Variants in KAT2A observed in about 807,000 individuals in gnomAD.
KAT2A encodes lysine acetyltransferase 2A, also known as histone acetyltransferase KAT2A.
In KAT2A, 42 loss-of-function variants were observed where a neutral mutation model predicts 95.2. The ratio of observed to expected loss-of-function variants is 0.44; its 90% CI spans 0.34 to 0.57. KAT2A has a LOEUF of 0.57. Among genes scored for constraint, KAT2A ranks in the 20% least tolerant of loss-of-function variants. The pLI, the probability that KAT2A is intolerant of heterozygous loss-of-function variation, is 0.01. For synonymous variants in KAT2A, 449 were observed against 448.2 expected (o/e 1.00, Z -0.02); for missense variants, 784 against 1,126.3 (o/e 0.70, Z 4.35).
In KAT2A at chr17:42,114,297, A is replaced by G. The variant is rs111448692; in HGVS notation, c.2172-15T>C. 4.3e-4 allele frequency: 696 copies of G among 1,613,246 alleles called. 7 individuals are homozygous for G. In the African/African-American group the frequency reaches 7.9e-3, roughly 18 times the overall value. Reference sequence around the variant, plus strand: ...TCAGCTCCTTCCTGGGGCGAGAGACACCAAGTCTGAGGCTCCAAGTCCCTC... The same window carrying G: ...TCAGCTCCTTCCTGGGGCGAGAGACGCCAAGTCTGAGGCTCCAAGTCCCTC... On this transcript the variant is annotated splice_polypyrimidine_tract_variant and intron_variant, in intron 15 of 17. Transcript: ENST00000225916. This position sits in a 1 kb window ranked among gnomAD's most constrained non-coding sequence, Gnocchi z 6.0.
At position 42,121,150 on chromosome 17, in the gene KAT2A, G is replaced by T; in HGVS notation, c.155C>A (p.Ala52Glu). ...AGTCCCTGTGCTGCCGGCTGGGGCT[G>T]CAGCTGGGGCAGGGGCTGGTGCCGG... ...PTPAPAPAPA[A>E]APAGSTGTGG... Residue 52 changes from alanine to glutamate, a missense_variant, in exon 1 of 18, where the codon GCA (alanine) becomes GAA (glutamate). Around this residue, in one of 6 missense-constraint regions of KAT2A, gnomAD observed 142 missense variants for 123.2 expected, o/e 1.15. Coordinates refer to ENST00000225916, the MANE Select transcript of KAT2A (RefSeq NM_021078.3). The T allele has an allele frequency of 6.8e-7, 1 of 1,468,972 alleles. No individual in the cohort carries two copies. Among genetic ancestry groups the T allele is most frequent in the Non-Finnish European group, 9.1e-7 (1 of 1,103,400 alleles). The allele number at this position is 1,468,972 out of a possible 1,614,324, so 91.0% of individuals were successfully genotyped here. A position where few individuals can be genotyped will look rare whatever the true frequency, so the allele number is the denominator to read the frequency against.
rs560775382 is a variant in KAT2A, at chr17:42,117,862, G to A, written c.1291+45C>T. On this transcript the variant is annotated intron_variant, in intron 8 of 17. Coordinates refer to ENST00000225916, the MANE Select transcript of KAT2A (RefSeq NM_021078.3). This position sits in a 1 kb window ranked among gnomAD's most constrained non-coding sequence, Gnocchi z 8.9. ...TGCTCAGGATCAGTAAAAAAGGTTT[G>A]GGAAGGAGTGAATGAGGGTCAGAGG... 1.9e-6 allele frequency: 3 copies of A among 1,607,558 alleles called. No individual in the cohort carries two copies. Among genetic ancestry groups the A allele is most frequent in the African/African-American group, 1.3e-5 (1 of 74,914 alleles).
Position 42,119,582 on chromosome 17 carries a change from C to A in KAT2A, c.836G>T (p.Arg279Met). ...KLETPAQFRQRSQAEDVATYK... is the reference protein window; with the variant it reads ...KLETPAQFRQMSQAEDVATYK... Reference sequence around the variant, plus strand: ...GGTAGCCACGTCCTCAGCCTGAGACCTCTGCCGAAACTGGGCAGGTGTCTC... The same window carrying A: ...GGTAGCCACGTCCTCAGCCTGAGACATCTGCCGAAACTGGGCAGGTGTCTC... Residue 279 changes from arginine (R) to methionine (M), a missense_variant, in exon 5 of 18, where the codon AGG becomes ATG. By Grantham distance (91) the Arg-to-Met change is moderately conservative. Coordinates refer to ENST00000225916, the MANE Select transcript of KAT2A (RefSeq NM_021078.3). This position sits in a 1 kb window ranked among gnomAD's most constrained non-coding sequence, Gnocchi z 5.3. 1 of 1,611,922 alleles carries A rather than the reference C, an allele frequency of 6.2e-7. No individual in the cohort carries two copies. Among genetic ancestry groups the A allele is most frequent in the Non-Finnish European group, 8.5e-7 (1 of 1,178,726 alleles).
At position 42,120,998 on chromosome 17, in the gene KAT2A, G is replaced by A. The variant is rs893360054; in HGVS notation, c.307C>T (p.Leu103Phe). Reference protein sequence around the residue: ...QVRGLPRAKKLEKLGVFSACK... With the variant: ...QVRGLPRAKKFEKLGVFSACK... ...GCCGAGAAGACCCCTAGCTTCTCAA[G>A]CTTCTTGGCGCGCGGCAGCCCCCGG... is the stretch of plus-strand genomic sequence containing the variant. The change falls in exon 1 of 18, where the codon CTT becomes TTT. Residue 103 changes from leucine to phenylalanine, a missense_variant. This residue lies in a region of KAT2A where 208 missense variants were observed against 339.7 expected (regional missense o/e 0.61). Transcript: ENST00000225916. The A allele has an allele frequency of 1.3e-6, 2 of 1,593,356 alleles. No homozygotes were observed. Among genetic ancestry groups the A allele is most frequent in the Non-Finnish European group, 1.7e-6 (2 of 1,171,370 alleles).
chr17:42,118,048 G>T lies in KAT2A; in HGVS notation c.1181-31C>A, dbSNP rs1372262070. 3.0e-6 allele frequency: 4 copies of T among 1,333,900 alleles called. No homozygotes were observed. The African/African-American group carries it at 5.0e-5, about 17-fold the overall frequency. 82.6% of individuals were successfully genotyped at this position (1,333,900 alleles called of 1,614,324 possible). A position where few individuals can be genotyped will look rare whatever the true frequency, so the allele number is the denominator to read the frequency against. ...GAGAGAGAGAGACGTCAGGGATGGGGGGCTGAAGCTGAGGAGAGAGAGAGA... is the reference window on the plus strand; with the variant it reads ...GAGAGAGAGAGACGTCAGGGATGGGTGGCTGAAGCTGAGGAGAGAGAGAGA... On this transcript the variant is annotated intron_variant, in intron 7 of 17. Coordinates refer to ENST00000225916, the MANE Select transcript of KAT2A (RefSeq NM_021078.3).
Position 42,118,329 on chromosome 17 carries a change from G to A in KAT2A, c.1148C>T (p.Pro383Leu), listed in dbSNP as rs1437521507. The A allele has an allele frequency of 1.9e-6, 3 of 1,613,710 alleles. No individual in the cohort carries two copies. The highest frequency in any genetic ancestry group is 1.7e-6 in the Non-Finnish European group (2 of 1,179,650). Reference protein sequence around the residue: ...PIWESGFTMPPSEGTQLVPRP... With the variant: ...PIWESGFTMPLSEGTQLVPRP... ...GGGAACCAGCTGTGTCCCCTCTGAG[G>A]GTGGCATGGTGAAGCCTGACTCCCA... The change falls in exon 7 of 18, where the codon CCC becomes CTC. Residue 383 changes from proline to leucine, a missense_variant. Pro to Leu is a moderately conservative substitution (Grantham distance 98, BLOSUM62 -3). Around this residue, in one of 6 missense-constraint regions of KAT2A, gnomAD observed 63 missense variants for 70.1 expected, o/e 0.90. Coordinates refer to ENST00000225916, the MANE Select transcript of KAT2A (RefSeq NM_021078.3).
At chr17:42,118,166 G>T in intron 7 of KAT2A, 131 bp downstream of exon 7, 1 of 814,068 alleles carries the variant, frequency 1.2e-6, no homozygotes, top group Non-Finnish European at 2.0e-6. Context: ...CAGGGACTGG[G>T]GGGGCTGAAG....
In KAT2A at chr17:42,114,566, G is replaced by T; in HGVS notation, c.2058C>A (p.Ile686=). 6.2e-7 allele frequency: 1 copy of T among 1,614,038 alleles called. No individual in the cohort carries two copies. Among genetic ancestry groups the T allele is most frequent in the South Asian group, 1.1e-5 (1 of 91,090 alleles). The stretch of plus-strand genomic sequence containing the variant: ...AGCTGAGCCCCGGGTAGACCTTGCG[G>T]ATCTGGGCCTGTTTGCGCTCAATCA... ...KKLIERKQAQ[I]RKVYPGLSCF... Residue 686 remains isoleucine, a synonymous_variant, in exon 14 of 18, where the codon ATC becomes ATA. Transcript: ENST00000225916. The surrounding 1 kb of genome is among the most constrained non-coding windows in gnomAD (Gnocchi z 6.0).
chr17:42,114,649 C>T lies in KAT2A; in HGVS notation c.2020-45G>A, dbSNP rs782615718. The T allele has an allele frequency of 1.8e-5, 28 of 1,541,322 alleles. No individual in the cohort carries two copies. The Middle Eastern group carries it at 5.0e-4, about 28-fold the overall frequency. On this transcript the variant is annotated intron_variant, in intron 13 of 17. Coordinates refer to ENST00000225916, the MANE Select transcript of KAT2A (RefSeq NM_021078.3). The surrounding 1 kb of genome is among the most constrained non-coding windows in gnomAD (Gnocchi z 6.0). The stretch of plus-strand genomic sequence containing the variant: ...GAGGGGCCAACTCCAGCCCCAACAA[C>T]AACCCCTCCCAGGGCCACAGTCGGA...
At position 42,120,102 on chromosome 17, in the gene KAT2A, G is replaced by A. The variant is rs374977826; in HGVS notation, c.627C>T (p.Ile209=). ...CCACCACAGGCCGGGTCATCTGCAG[G>A]ATGCATTTCCGCAGTAGCTAGAGAG... ...FYLFKLLRKC[I]LQMTRPVVEG... is the part of the protein sequence containing the mutation. Residue 209 remains isoleucine, a synonymous_variant, in exon 4 of 18, where the codon ATC becomes ATT. Coordinates refer to ENST00000225916, the MANE Select transcript of KAT2A (RefSeq NM_021078.3). The A allele has an allele frequency of 3.8e-5, 61 of 1,614,078 alleles. No homozygotes were observed. The highest frequency in any genetic ancestry group is 4.8e-5 in the Non-Finnish European group (57 of 1,180,034).
In KAT2A at chr17:42,121,316, C is replaced by A; in HGVS notation, c.-12G>T. The A allele has an allele frequency of 7.3e-7, 1 of 1,365,278 alleles. No individual in the cohort carries two copies. The highest frequency in any genetic ancestry group is 9.4e-7 in the Non-Finnish European group (1 of 1,066,778). 84.6% of individuals were successfully genotyped at this position (1,365,278 alleles called of 1,614,324 possible). ...GAAGGTTCCGCCATGGCCTCCCCCG[C>A]AGCGGAGAGCGGCGCCGCGCTCCCA... On this transcript the variant is annotated 5_prime_UTR_variant, in exon 1 of 18. Coordinates refer to ENST00000225916, the MANE Select transcript of KAT2A (RefSeq NM_021078.3).
Position 42,119,886 on chromosome 17 carries a change from C to A in KAT2A, c.699+144G>T, listed in dbSNP as rs2054311506. The stretch of plus-strand genomic sequence containing the variant: ...TCTGCCCCCTCCCTACCACCATGCC[C>A]ACCCTGAGGTTAGCACAAAACACCC... On this transcript the variant is annotated intron_variant, in intron 4 of 17. Transcript: ENST00000225916. This position sits in a 1 kb window ranked among gnomAD's most constrained non-coding sequence, Gnocchi z 5.3. 7.3e-6 allele frequency: 7 copies of A among 953,306 alleles called. No homozygotes were observed. Among genetic ancestry groups the A allele is most frequent in the South Asian group, 6.1e-5 (4 of 65,204 alleles). The allele number at this position is 953,306 out of a possible 1,614,324, so 59.1% of individuals were successfully genotyped here.
rs1295238075 is a variant in KAT2A at position 42,114,716 on chromosome 17, AG to A, written c.2020-113del. ...ACCCAGCTGCAACGCCACCTAATCC[AG>A]CACCTCCCCTCATAACTTCCCCAAG... On this transcript the variant is annotated intron_variant, in intron 13 of 17. Coordinates refer to ENST00000225916, the MANE Select transcript of KAT2A (RefSeq NM_021078.3). The surrounding 1 kb of genome is among the most constrained non-coding windows in gnomAD (Gnocchi z 6.0). The A allele has an allele frequency of 7.7e-6, 9 of 1,173,402 alleles. No individual in the cohort carries two copies. The South Asian group carries it at 8.0e-5, about 10-fold the overall frequency. The allele number at this position is 1,173,402 out of a possible 1,614,324, so 72.7% of individuals were successfully genotyped here.
At chr17:42,115,443 C>T (rs1404757473) in intron 12 of KAT2A, among the ~76,000 whole-genome samples, 1 of 103,964 alleles carries the variant, frequency 9.6e-6, no homozygotes, top group Non-Finnish European at 2.0e-5. Context: ...TGCTCTAGTG[C>T]CCCCCCCAGT....
At chr17:42,118,243 G>A in intron 7 of KAT2A, 54 bp downstream of exon 7, 1 of 1,367,528 alleles carries the variant, frequency 7.3e-7, no homozygotes, top group Non-Finnish European at 1.0e-6. Flanking sequence ...CACCCAGGAG[G>A]CTTAGCTCAG....
rs1683835934 is a variant in KAT2A at position 42,114,036 on chromosome 17, C to A, written c.2284G>T (p.Ala762Ser). 6.6e-7 allele frequency: 1 copy of A among 1,521,132 alleles called. No homozygotes were observed. The allele number at this position is 1,521,132 out of a possible 1,614,324, so 94.2% of individuals were successfully genotyped here. The change falls in exon 17 of 18, where the codon GCC becomes TCC. Residue 762 changes from alanine to serine, a missense_variant. Ala to Ser is a moderately conservative substitution (Grantham distance 99, BLOSUM62 1). Around this residue, in one of 6 missense-constraint regions of KAT2A, gnomAD observed 195 missense variants for 247.1 expected, o/e 0.79. Coordinates refer to ENST00000225916, the MANE Select transcript of KAT2A (RefSeq NM_021078.3). The surrounding 1 kb of genome is among the most constrained non-coding windows in gnomAD (Gnocchi z 6.0). ...PFMEPVKKSE[A>S]PDYYEVIRFP... ...CGGATGACCTCGTAGTAGTCAGGGG[C>A]CTCCGACTTCTTCACAGGCTCCATG... is the stretch of plus-strand genomic sequence containing the variant.
rs782474058 is a variant in KAT2A at position 42,114,071 on chromosome 17, G to A, written c.2249C>T (p.Ala750Val). ...CTTCACAGGCTCCATGAAGGGCCAG[G>A]CACTGGGGTGAGACTGGAGAGAAGA... ...LLAQIKSHPSAWPFMEPVKKS... is the reference protein window; with the variant it reads ...LLAQIKSHPSVWPFMEPVKKS... The change falls in exon 17 of 18, where the codon GCC becomes GTC. Residue 750 changes from alanine (A) to valine (V), a missense_variant. Ala to Val is a moderately conservative substitution (Grantham distance 64). Transcript: ENST00000225916. This position sits in a 1 kb window ranked among gnomAD's most constrained non-coding sequence, Gnocchi z 6.0. 2.0e-5 allele frequency: 30 copies of A among 1,537,046 alleles called. No homozygotes were observed. Among genetic ancestry groups the A allele is most frequent in the Non-Finnish European group, 2.6e-5 (30 of 1,147,630 alleles).
chr17:42,116,281 A>G (rs2054257300), intron 11 of KAT2A, among the ~76,000 whole-genome samples: 1 of 152,238 alleles, frequency 6.6e-6, no homozygotes, highest in South Asian at 2.1e-4. Flanking sequence ...TCTGAGCAGC[A>G]GGAGCAATGC....
Position 42,114,490 on chromosome 17 carries a change from G to A in KAT2A, c.2134C>T (p.Arg712Ter). 2 of 1,613,852 alleles carry A rather than the reference G, an allele frequency of 1.2e-6. No homozygotes were observed. Among genetic ancestry groups the A allele is most frequent in the Non-Finnish European group, 1.7e-6 (2 of 1,179,768 alleles). Residue 712 changes from arginine (R) to a stop codon, truncating the protein, a stop_gained and splice_region_variant, in exon 14 of 18, where the codon CGA (arginine) becomes TGA (stop). Coordinates refer to ENST00000225916, the MANE Select transcript of KAT2A (RefSeq NM_021078.3). LOFTEE classifies it high-confidence loss of function. The surrounding 1 kb of genome is among the most constrained non-coding windows in gnomAD (Gnocchi z 6.0). ...CCCTGCAACTGAGACCCCTGCTTAC[G>A]AATGCCAGGAACGCTCTCCACAGGG... ...QIPVESVPGIRETGWKPLGKE... is the reference protein window; with the variant it reads ...QIPVESVPGI
Sources: allele counts gnomAD v4.1 joint callset (sites outside exome capture counted in the v4.1 genomes callset), GRCh38; gene constraint gnomAD v4.1.1; regional missense constraint gnomAD v4.1.1; non-coding constraint Gnocchi (gnomAD v3.1); transcripts MANE v1.5; gene names NCBI Gene and HGNC (gene_info 2026-07-23, HGNC 2026-07-21).